ADAMTS17: variants seen among roughly 807,000 people sequenced by gnomAD.
The protein encoded by ADAMTS17 is ADAM metallopeptidase with thrombospondin type 1 motif 17, also known as A disintegrin and metalloproteinase with thrombospondin motifs 17.
In ADAMTS17, 113 loss-of-function variants were observed where a neutral mutation model predicts 141.5. The ratio of observed to expected loss-of-function variants is 0.80; its 90% CI spans 0.69 to 0.93. ADAMTS17 has a LOEUF of 0.93. ADAMTS17 is among the 40% of genes least tolerant of loss of function. ADAMTS17 has a pLI of 0.00. For missense variants in ADAMTS17, 1,659 were observed against 1,517.9 expected (o/e 1.09, Z -1.54); for synonymous variants, 768 against 630.6 (o/e 1.22, Z -3.27).
In ADAMTS17 at chr15:100,341,958, G is replaced by A; in HGVS notation, c.-59C>T. 6.5e-7 allele frequency: 1 copy of A among 1,540,574 alleles called. No homozygotes were observed. Among genetic ancestry groups the A allele is most frequent in the Non-Finnish European group, 8.8e-7 (1 of 1,140,974 alleles). Reference sequence around the variant, plus strand: ...GCGGCGAAGCAGGAGCGCGCTAGGCGGCGGCGCCAGCCGGAGTGAAGCCCT... The same window carrying A: ...GCGGCGAAGCAGGAGCGCGCTAGGCAGCGGCGCCAGCCGGAGTGAAGCCCT... On this transcript the variant is annotated 5_prime_UTR_variant, in exon 1 of 22. Coordinates refer to ENST00000268070, the MANE Select transcript of ADAMTS17 (RefSeq NM_139057.4).
At chr15:100,140,460 C>T (rs1046614015) in intron 10 of ADAMTS17, among the ~76,000 whole-genome samples, 7 of 136,432 alleles carry the variant, frequency 5.1e-5, no homozygotes, top group African/African-American at 8.0e-5. Flanking sequence ...AAGACACACA[C>T]ACACACACAG....
At chr15:100,172,450 CA>C (rs1340844165) in intron 8 of ADAMTS17, among the ~76,000 whole-genome samples, 2 of 152,204 alleles carry the variant, frequency 1.3e-5, no homozygotes, top group African/African-American at 4.8e-5. Context: ...CAGTTTTAAT[CA>C]GTAGTTCACA....
At chr15:100,152,407 T>A (rs993748796) in intron 10 of ADAMTS17, among the ~76,000 whole-genome samples, 3 of 152,172 alleles carry the variant, frequency 2.0e-5, no homozygotes, top group Non-Finnish European at 4.4e-5. Context: ...CTATATGGGG[T>A]ACACATGTGC....
intron 18 of ADAMTS17, among the ~76,000 whole-genome samples, chr15:100,047,547 A>G (rs1159086294): frequency 2.6e-5 from 4 of 151,666 alleles, no homozygotes; most frequent in African/African-American, 9.7e-5. Context: ...ACGCTTAGGG[A>G]AAATAGAAAA....
intron 6 of ADAMTS17, among the ~76,000 whole-genome samples, 184 bp downstream of exon 6, chr15:100,261,295 C>G (rs2043507171): frequency 6.6e-6 from 1 of 152,194 alleles, no homozygotes; most frequent in Middle Eastern, 3.2e-3. Flanking sequence ...GCCCAGGCAT[C>G]GTACCTACCT....
At chr15:100,021,345 G>T (rs2061404175) in intron 18 of ADAMTS17, among the ~76,000 whole-genome samples, 1 of 152,106 alleles carries the variant, frequency 6.6e-6, no homozygotes, top group Non-Finnish European at 1.5e-5. Context: ...TGCTCTCTGT[G>T]CCACGTTCAA....
chr15:100,300,586 C>A (rs1341081683), intron 3 of ADAMTS17, among the ~76,000 whole-genome samples: 1 of 152,244 alleles, frequency 6.6e-6, no homozygotes, highest in African/African-American at 2.4e-5. Context: ...TTGGGCTCCA[C>A]CAGGGTGAGC....
chr15:100,187,098 C>T (rs570832783), intron 8 of ADAMTS17, among the ~76,000 whole-genome samples: 2 of 152,194 alleles, frequency 1.3e-5, no homozygotes, highest in Non-Finnish European at 2.9e-5. Context: ...TCACCTCCTC[C>T]ATCACCCAGG....
chr15:100,059,358 G>A (rs1321765173), intron 15 of ADAMTS17, among the ~76,000 whole-genome samples: 1 of 152,000 alleles, frequency 6.6e-6, no homozygotes, highest in African/African-American at 2.4e-5. Context: ...GCCTCTCCTC[G>A]GGACAGCGTG....
intron 7 of ADAMTS17, among the ~76,000 whole-genome samples, chr15:100,225,837 G>C (rs1384255505): frequency 7.2e-6 from 1 of 139,440 alleles, no homozygotes; most frequent in African/African-American, 2.8e-5. Context: ...CGGTCTCTGT[G>C]CCATTCAGTC....
rs183946464 is a variant in ADAMTS17 at position 100,280,210 on chromosome 15, C to T, written c.789+1019G>A. 1.4e-3 allele frequency among the ~76,000 whole-genome samples: 206 copies of T among 152,258 alleles called. 5 individuals are homozygous for T. Among genetic ancestry groups the T allele is most frequent in the Admixed American group, 0.011 (170 of 15,302 alleles). ...CTTTGCTGTGGCCCCATATTCATTG[C>T]TCCTCCTTTTCTCAGACAATGGCTC... is the stretch of plus-strand genomic sequence containing the variant. On this transcript the variant is annotated intron_variant, in intron 4 of 21. Coordinates refer to ENST00000268070, the MANE Select transcript of ADAMTS17 (RefSeq NM_139057.4).
chr15:100,324,570 GGTCA>G (rs1163724694), intron 3 of ADAMTS17, among the ~76,000 whole-genome samples: 1 of 152,088 alleles, frequency 6.6e-6, no homozygotes, highest in East Asian at 1.9e-4. Context: ...GAGTCCGGAG[GGTCA>G]GTGAGAAGGG....
chr15:99,989,326 C>A (rs1382772666), intron 20 of ADAMTS17, among the ~76,000 whole-genome samples: 4 of 152,222 alleles, frequency 2.6e-5, no homozygotes, highest in African/African-American at 9.6e-5. Context: ...TAGAACTGAC[C>A]ACTTCTTGCC....
At chr15:100,137,844 CACCAACACCCACCCTTTCACT>C (rs1297411629) in intron 10 of ADAMTS17, among the ~76,000 whole-genome samples, 9 of 151,900 alleles carry the variant, frequency 5.9e-5, no homozygotes, top group Non-Finnish European at 1.3e-4. Context: ...TCACTGCCAA[CACCAACACCCACCCTTTCACT>C]ACCAACACCC....
intron 15 of ADAMTS17, chr15:100,063,751 C>T (rs1375620558): frequency 4.7e-6 from 6 of 1,290,072 alleles, no homozygotes; most frequent in South Asian, 1.2e-5. Flanking sequence ...ACGGCAGCTT[C>T]GATATAACCT....
chr15:100,124,845 G>A (rs2037645302), intron 12 of ADAMTS17, among the ~76,000 whole-genome samples: 1 of 152,214 alleles, frequency 6.6e-6, no homozygotes, highest in Non-Finnish European at 1.5e-5. Flanking sequence ...GTCTCCTGCT[G>A]AAGTGGAGTC....
intron 7 of ADAMTS17, among the ~76,000 whole-genome samples, chr15:100,211,738 A>G (rs2041816570): frequency 6.6e-6 from 1 of 152,220 alleles, no homozygotes; most frequent in Non-Finnish European, 1.5e-5. Context: ...AAGATTTAAA[A>G]AGATATACAA....
chr15:100,153,644 A>T (rs891328866), intron 9 of ADAMTS17, among the ~76,000 whole-genome samples: 2 of 152,118 alleles, frequency 1.3e-5, no homozygotes, highest in African/African-American at 4.8e-5. Flanking sequence ...ACTCTGACTC[A>T]TAAATAACTA....
At chr15:100,079,288 G>C (rs946121004) in intron 15 of ADAMTS17, among the ~76,000 whole-genome samples, 1 of 152,116 alleles carries the variant, frequency 6.6e-6, no homozygotes, top group Non-Finnish European at 1.5e-5. Context: ...CCAAAAAAGT[G>C]GAAACAATCC....
Sources: gnomAD v4.1 joint callset for allele counts (sites outside exome capture counted in the v4.1 genomes callset) on GRCh38, gnomAD v4.1.1 for gene constraint, MANE v1.5 for transcripts, NCBI Gene and HGNC (gene_info 2026-07-23, HGNC 2026-07-21) for gene names.